The following ADGRB3 variants were observed in gnomAD, a reference collection of about 807,000 sequenced individuals.
ADGRB3 encodes brain-specific angiogenesis inhibitor 3.
A neutral mutation model predicts 193.4 loss-of-function variants in ADGRB3; 37 were observed. The ratio of observed to expected loss-of-function variants is 0.19; its 90% CI spans 0.15 to 0.25. The LOEUF (loss-of-function observed/expected upper bound fraction) is 0.25, where lower values mean the gene tolerates loss of function less well. Ranked by LOEUF, ADGRB3 falls within the 10% of genes least tolerant of loss-of-function variation. The pLI is 1.00. For missense variants in ADGRB3, 1,637 were observed against 1,852.9 expected, an observed-to-expected ratio of 0.88 and a Z score of 2.14; for synonymous variants, 690 against 644.2, an observed-to-expected ratio of 1.07 and a Z score of -1.08.
chr6:69,213,801 TAGAG>T (rs767538175), intron 17 of ADGRB3, among the ~76,000 whole-genome samples: 22 of 152,164 alleles, frequency 1.4e-4, no homozygotes, highest in Admixed American at 2.6e-4. Context: ...AATAGATTGA[TAGAG>T]AGAATGTGAT....
chr6:68,972,208 AT>A (rs1183891910), intron 8 of ADGRB3, among the ~76,000 whole-genome samples: 1 of 152,072 alleles, frequency 6.6e-6, no homozygotes, highest in Non-Finnish European at 1.5e-5. Flanking sequence ...TGAGTTGTAG[AT>A]TTTTTTGTGA....
chr6:69,125,293 G>A (rs779053548), intron 17 of ADGRB3, among the ~76,000 whole-genome samples: 8 of 152,098 alleles, frequency 5.3e-5, no homozygotes, highest in Non-Finnish European at 7.4e-5. Context: ...ACAGATCAGC[G>A]CTTCTCTGGG....
intron 24 of ADGRB3, among the ~76,000 whole-genome samples, chr6:69,336,778 T>C (rs1768859640): frequency 6.6e-6 from 1 of 152,102 alleles, no homozygotes. Flanking sequence ...CAAGATCTCA[T>C]TTTTCAATGC....
chr6:69,107,010 C>T (rs147770650), intron 17 of ADGRB3, among the ~76,000 whole-genome samples: 188 of 152,232 alleles, frequency 1.2e-3, no homozygotes, highest in African/African-American at 4.4e-3. Context: ...TCCAGTCTCT[C>T]AAAACTTGCA....
chr6:69,059,193 T>C (rs1771642309), intron 15 of ADGRB3, among the ~76,000 whole-genome samples: 1 of 152,128 alleles, frequency 6.6e-6, no homozygotes, highest in South Asian at 2.1e-4. Context: ...AATCAACCAT[T>C]TTATCATTAC....
intron 15 of ADGRB3, among the ~76,000 whole-genome samples, chr6:69,057,345 T>C (rs1389931330): frequency 6.6e-6 from 1 of 152,128 alleles, no homozygotes; most frequent in African/African-American, 2.4e-5. Context: ...TCATGTCATC[T>C]ATGAACAGAG....
intron 3 of ADGRB3, among the ~76,000 whole-genome samples, chr6:68,691,076 A>AT (rs1765064658): frequency 6.6e-6 from 1 of 152,000 alleles, no homozygotes; most frequent in Admixed American, 6.6e-5. Context: ...ATTTTGTTTC[A>AT]TTTTTTGTTA....
At chr6:68,919,550 C>T (rs1203250856) in intron 3 of ADGRB3, among the ~76,000 whole-genome samples, 1 of 151,980 alleles carries the variant, frequency 6.6e-6, no homozygotes, top group Non-Finnish European at 1.5e-5. Flanking sequence ...AATGTTGAGG[C>T]AGAACCTAAG....
At chr6:68,795,897 G>A (rs1020963821) in intron 3 of ADGRB3, among the ~76,000 whole-genome samples, 5 of 152,030 alleles carry the variant, frequency 3.3e-5, no homozygotes, top group Admixed American at 6.6e-5. Flanking sequence ...TGACTGGCTT[G>A]CAGACTTCAT....
At chr6:68,755,709 T>G (rs879761187) in intron 3 of ADGRB3, among the ~76,000 whole-genome samples, 1 of 152,120 alleles carries the variant, frequency 6.6e-6, no homozygotes, top group Non-Finnish European at 1.5e-5. Context: ...GTGGGGAAGA[T>G]TCAAAGTATT....
chr6:69,327,438 G>C (rs1030442215), intron 21 of ADGRB3, among the ~76,000 whole-genome samples: 3 of 151,980 alleles, frequency 2.0e-5, no homozygotes, highest in African/African-American at 4.8e-5. Flanking sequence ...CCACTTCTCC[G>C]ATATTACATC....
chr6:68,803,629 C>A (rs1414621093), intron 3 of ADGRB3, among the ~76,000 whole-genome samples: 1 of 152,110 alleles, frequency 6.6e-6, no homozygotes, highest in Non-Finnish European at 1.5e-5. Flanking sequence ...TCTTGTCAGC[C>A]TACAATATAC....
chr6:68,839,575 T>C (rs1768111933), intron 3 of ADGRB3, among the ~76,000 whole-genome samples: 1 of 152,174 alleles, frequency 6.6e-6, no homozygotes, highest in South Asian at 2.1e-4. Flanking sequence ...ATGTGGACTC[T>C]GTCTGTACCT....
chr6:69,108,849 T>A (rs1482633482), intron 17 of ADGRB3, among the ~76,000 whole-genome samples: 1 of 152,178 alleles, frequency 6.6e-6, no homozygotes, highest in Non-Finnish European at 1.5e-5. Context: ...TGAAATGTAT[T>A]GGGCCTCATT....
intron 6 of ADGRB3, among the ~76,000 whole-genome samples, chr6:68,952,879 A>G (rs1264132733): frequency 1.3e-5 from 2 of 152,164 alleles, no homozygotes; most frequent in African/African-American, 4.8e-5. Context: ...TTCTAATATT[A>G]ACACTCTTAA....
intron 3 of ADGRB3, among the ~76,000 whole-genome samples, chr6:68,711,173 G>A (rs897780507): frequency 6.6e-6 from 1 of 151,978 alleles, no homozygotes; most frequent in Non-Finnish European, 1.5e-5. Context: ...TCCAGATCTC[G>A]GATTCATAAG....
In ADGRB3 at chr6:69,128,241, A is replaced by G. The variant is rs966105904; in HGVS notation, c.2480+52203A>G. On this transcript the variant is annotated intron_variant, in intron 17 of 31. Coordinates refer to ENST00000370598, the MANE Select transcript of ADGRB3 (RefSeq NM_001704.3). The stretch of plus-strand genomic sequence containing the variant: ...ACTCATAAGAGAGTATCTAAGATCT[A>G]TCCCTTTATTTGAAAGTCAAGTGTA... Among the ~76,000 whole-genome samples the G allele has an allele frequency of 3.3e-5, 5 of 152,122 alleles. No homozygotes were observed. In the South Asian group the frequency reaches 8.3e-4, roughly 25 times the overall value.
At chr6:69,139,447 CAAAT>C (rs1774254173) in intron 17 of ADGRB3, among the ~76,000 whole-genome samples, 2 of 152,124 alleles carry the variant, frequency 1.3e-5, no homozygotes, top group South Asian at 4.1e-4. Flanking sequence ...CATTGTTTCT[CAAAT>C]AAAGACATGT....
At chr6:68,706,931 G>A (rs80127559) in intron 3 of ADGRB3, among the ~76,000 whole-genome samples, 21,566 of 151,774 alleles carry the variant, frequency 0.14, 2,167 homozygotes, top group East Asian at 0.59. Context: ...CTAACACAGC[G>A]AAACCCCGTC....
Sources: gnomAD v4.1 joint callset for allele counts (sites outside exome capture counted in the v4.1 genomes callset) on GRCh38, gnomAD v4.1.1 for gene constraint, MANE v1.5 for transcripts, NCBI Gene and HGNC (gene_info 2026-07-23, HGNC 2026-07-21) for gene names.